The following RLIG1 variants were observed in gnomAD, a reference collection of about 807,000 sequenced individuals.
The protein encoded by RLIG1 is RNA 5'-phosphate and 3'-OH ligase 1.
the RLIG1 span, chr12:88,045,604 C>A: frequency 2.5e-6 from 4 of 1,611,656 alleles, no homozygotes; most frequent in Non-Finnish European, 3.4e-6. Flanking sequence ...TAGAGAAAAA[C>A]AACAAACAGT....
chr12:88,047,853 A>ATTC, the RLIG1 span, among the ~76,000 whole-genome samples: 348 of 152,262 alleles, frequency 2.3e-3, 4 homozygotes, highest in African/African-American at 8.1e-3. Flanking sequence ...AAAAAACTCC[A>ATTC]TTCTATCATA....
chr12:88,048,597 T>G, the RLIG1 span: 135 of 452,294 alleles, frequency 3.0e-4, no homozygotes, highest in Non-Finnish European at 4.3e-4. Context: ...AACCAGCAAA[T>G]TAATTTTAAT....
chr12:88,043,775 C>G, the RLIG1 span: 1 of 1,161,868 alleles, frequency 8.6e-7, no homozygotes, highest in South Asian at 1.4e-5. Context: ...TCAAAATATC[C>G]ATTCAATCAG....
At chr12:88,035,772 G>T in the RLIG1 span, 3 of 1,562,696 alleles carry the variant, frequency 1.9e-6, no homozygotes, top group Admixed American at 5.7e-5. Context: ...TTGGCGGCCC[G>T]CGTGGGCTCC....
At chr12:88,045,727 C>T in the RLIG1 span, 9 of 1,613,144 alleles carry the variant, frequency 5.6e-6, 1 homozygote. Context: ...TTTCAGATCT[C>T]TTAGAACAAA....
chr12:88,050,056 C>CAA, the RLIG1 span: 4 of 212,422 alleles, frequency 1.9e-5, no homozygotes, highest in Non-Finnish European at 3.6e-5. Context: ...AAAAGAATTT[C>CAA]AAAAAAAAAA....
the RLIG1 span, chr12:88,040,119 A>C: frequency 7.8e-7 from 1 of 1,285,018 alleles, no homozygotes; most frequent in Non-Finnish European, 1.1e-6. Flanking sequence ...ATCTATCTTA[A>C]ACCGGTTTTC....
At chr12:88,039,766 A>G in the RLIG1 span, among the ~76,000 whole-genome samples, 1 of 152,084 alleles carries the variant, frequency 6.6e-6, no homozygotes. Flanking sequence ...AGTTTCACCC[A>G]AGGCAGGTAC....
the RLIG1 span, chr12:88,035,679 A>T: frequency 6.2e-7 from 1 of 1,609,160 alleles, no homozygotes; most frequent in South Asian, 1.1e-5. Context: ...GCAGCGGAAA[A>T]TGCCGTGTGT....
chr12:88,048,985 G>C, the RLIG1 span: 1 of 369,994 alleles, frequency 2.7e-6, no homozygotes, highest in Admixed American at 4.5e-5. Context: ...TTTGATGGCT[G>C]TAACAAGTCT....
At chr12:88,039,045 G>T in the RLIG1 span, among the ~76,000 whole-genome samples, 2 of 152,134 alleles carry the variant, frequency 1.3e-5, no homozygotes, top group East Asian at 3.8e-4. Context: ...CACTGAAAAA[G>T]AGACAAGAAG....
the RLIG1 span, chr12:88,040,241 T>C: frequency 2.6e-5 from 42 of 1,586,112 alleles, no homozygotes; most frequent in Non-Finnish European, 3.5e-5. Flanking sequence ...GGATGGAACA[T>C]GTTGTTATGT....
the RLIG1 span, among the ~76,000 whole-genome samples, chr12:88,046,070 G>T: frequency 4.6e-5 from 7 of 152,100 alleles, no homozygotes; most frequent in Non-Finnish European, 7.4e-5. Context: ...ATTCAGGTGA[G>T]TTGAGTCGAT....
At chr12:88,048,801 T>TGTGTATG in the RLIG1 span, 1 of 188,246 alleles carries the variant, frequency 5.3e-6, no homozygotes, top group African/African-American at 2.4e-5. Flanking sequence ...AACCTATATG[T>TGTGTATG]GTGTATGTCT....
chr12:88,035,564 G>T, the RLIG1 span: 2 of 1,387,650 alleles, frequency 1.4e-6, no homozygotes, highest in South Asian at 1.2e-5. Flanking sequence ...GAGCCGTGCG[G>T]GTGACTGCTT....
At chr12:88,049,298 T>C in the RLIG1 span, 2 of 1,603,050 alleles carry the variant, frequency 1.2e-6, no homozygotes, top group African/African-American at 2.7e-5. Flanking sequence ...TTACCTTCTC[T>C]TCTAAGAGAA....
the RLIG1 span, chr12:88,036,068 A>C: frequency 7.2e-7 from 1 of 1,391,906 alleles, no homozygotes; most frequent in Non-Finnish European, 9.5e-7. Context: ...GAAACCCCCT[A>C]ATCAGGTAAT....
the RLIG1 span, chr12:88,035,598 G>C: frequency 1.3e-4 from 194 of 1,546,866 alleles, no homozygotes; most frequent in Admixed American, 1.5e-4. Context: ...CGACTGGACC[G>C]GGCGCCGCTC....
the RLIG1 span, among the ~76,000 whole-genome samples, chr12:88,046,013 T>C: frequency 6.6e-6 from 1 of 152,150 alleles, no homozygotes; most frequent in African/African-American, 2.4e-5. Flanking sequence ...ATTACACAAC[T>C]ATATATGAAA....
Sources: gnomAD v4.1 joint callset for allele counts (sites outside exome capture counted in the v4.1 genomes callset) on GRCh38, gnomAD v4.1.1 for gene constraint, MANE v1.5 for transcripts, NCBI Gene and HGNC (gene_info 2026-07-23, HGNC 2026-07-21) for gene names.